Variants in SPG11 observed in about 807,000 individuals in gnomAD.
SPG11 encodes spatacsin.
A neutral mutation model predicts 274.0 loss-of-function variants in SPG11; 222 were observed. The observed-to-expected ratio is 0.81, with a 90% CI of 0.73 to 0.91. SPG11 has a LOEUF of 0.91. Among genes scored for constraint, SPG11 ranks in the 40% least tolerant of loss-of-function variants. The pLI, the probability that SPG11 is intolerant of heterozygous loss-of-function variation, is 0.00. For missense variants in SPG11, 3,114 were observed against 2,872.7 expected (o/e 1.08, Z -1.92); for synonymous variants, 1,144 against 1,039.7 (o/e 1.10, Z -1.93).
intron 37 of SPG11, 85 bp downstream of exon 37, chr15:44,566,132 C>T: frequency 6.3e-7 from 1 of 1,592,564 alleles, no homozygotes; most frequent in African/African-American, 1.3e-5. Context: ...CCCGCTTCAC[C>T]TGGAAAGAGC....
At position 44,595,340 on chromosome 15, in the gene SPG11, C is replaced by G; in HGVS notation, c.4554G>C (p.Glu1518Asp). Residue 1518 changes from glutamate (E) to aspartate (D), a missense_variant, in exon 26 of 40, where the codon GAG becomes GAC. Coordinates refer to ENST00000261866, the MANE Select transcript of SPG11 (RefSeq NM_025137.4). ...DSTEDHTWNL[E>D]DLSVIWRTLL... ...ATGTTCTCCAGATGACTGAAAGATCCTCAAGGTTCCAGGTATGGTCCTCTG... is the reference window on the plus strand; with the variant it reads ...ATGTTCTCCAGATGACTGAAAGATCGTCAAGGTTCCAGGTATGGTCCTCTG... The G allele has an allele frequency of 6.2e-7, 1 of 1,614,174 alleles. No individual in the cohort carries two copies. The highest frequency in any genetic ancestry group is 8.5e-7 in the Non-Finnish European group (1 of 1,180,038).
At chr15:44,659,887 CCT>C (rs1219117670) in intron 2 of SPG11, among the ~76,000 whole-genome samples, 1 of 152,128 alleles carries the variant, frequency 6.6e-6, no homozygotes, top group Non-Finnish European at 1.5e-5. Context: ...ATGGCGAAAC[CCT>C]GTCTCTACTA....
In SPG11 at chr15:44,657,338, T is replaced by G. The variant is rs771861301; in HGVS notation, c.668-42A>C. Reference sequence around the variant, plus strand: ...AAAGAAAATGCCAGTTTTGTAAGTATGCCTAACTATTTAAAGCACAGGTTG... The same window carrying G: ...AAAGAAAATGCCAGTTTTGTAAGTAGGCCTAACTATTTAAAGCACAGGTTG... On this transcript the variant is annotated intron_variant, in intron 3 of 39. Coordinates refer to ENST00000261866, the MANE Select transcript of SPG11 (RefSeq NM_025137.4). 5.1e-6 allele frequency: 8 copies of G among 1,573,484 alleles called. No homozygotes were observed. The Admixed American group carries it at 1.3e-4, about 26-fold the overall frequency.
chr15:44,633,359 A>AAAAAAAG (rs1567177921), intron 8 of SPG11, 146 bp downstream of exon 8: 1 of 356,520 alleles, frequency 2.8e-6, no homozygotes, highest in Non-Finnish European at 4.8e-6. Context: ...AAAAAAAAAA[A>AAAAAAAG]AAAGAAAGTT....
chr15:44,564,776 ATACTG>A, intron 38 of SPG11, 78 bp from the exon 39 acceptor site: 2 of 1,431,378 alleles, frequency 1.4e-6, no homozygotes, highest in Non-Finnish European at 2.0e-6. Context: ...GTAGAAAACA[ATACTG>A]TATACTCACT....
At position 44,575,154 on chromosome 15, in the gene SPG11, T is replaced by G. The variant is rs1045622501; in HGVS notation, c.5867-113A>C. The G allele has an allele frequency of 8.3e-6, 11 of 1,328,572 alleles. No homozygotes were observed. In the African/African-American group the frequency reaches 1.4e-4, roughly 17 times the overall value. 82.3% of individuals were successfully genotyped at this position (1,328,572 alleles called of 1,614,324 possible). A position where few individuals can be genotyped will look rare whatever the true frequency, so the allele number is the denominator to read the frequency against. ...GCTCCCTGCACTGCACTCCCATTAC[T>G]CTGACTGGGGATAGGACCACTGCTG... On this transcript the variant is annotated intron_variant, in intron 30 of 39. Transcript: ENST00000261866.
chr15:44,622,995 C>CTGGA (rs1278543303), intron 11 of SPG11, among the ~76,000 whole-genome samples, 196 bp from the exon 12 acceptor site: 8 of 152,288 alleles, frequency 5.3e-5, no homozygotes, highest in African/African-American at 1.9e-4. Flanking sequence ...GCTGCCTAGG[C>CTGGA]TGGAGTACAG....
In SPG11 at chr15:44,620,404, C is replaced by T; in HGVS notation, c.2621-1G>A. On this transcript the variant is annotated splice_acceptor_variant, in intron 14 of 39. Coordinates refer to ENST00000261866, the MANE Select transcript of SPG11 (RefSeq NM_025137.4). LOFTEE classifies it high-confidence loss of function. ...GCTTCAGGGGAATATGATTTGTATT[C>T]TACATGAAAAAAAACACATTTTAAA... 1 of 1,603,590 alleles carries T rather than the reference C, an allele frequency of 6.2e-7. No individual in the cohort carries two copies. The highest frequency in any genetic ancestry group is 1.1e-5 in the South Asian group (1 of 89,844).
rs149052561 is a variant in SPG11 at position 44,578,953 on chromosome 15, C to T, written c.5867-3912G>A. On this transcript the variant is annotated intron_variant, in intron 30 of 39. Transcript: ENST00000261866. Reference sequence around the variant, plus strand: ...GGTGGATCACCTGAGGTCAGGAGTTCGAGACCAGCCTGGCCAACATGGCGA... The same window carrying T: ...GGTGGATCACCTGAGGTCAGGAGTTTGAGACCAGCCTGGCCAACATGGCGA... 2.3e-3 allele frequency among the ~76,000 whole-genome samples: 339 copies of T among 150,234 alleles called. 2 individuals are homozygous for T. Among genetic ancestry groups the T allele is most frequent in the African/African-American group, 7.8e-3 (318 of 40,862 alleles).
intron 7 of SPG11, among the ~76,000 whole-genome samples, chr15:44,640,773 C>G (rs1372499048): frequency 6.6e-6 from 1 of 152,198 alleles, no homozygotes; most frequent in Non-Finnish European, 1.5e-5. Context: ...ATTCTGTCGT[C>G]AGGCTGAAGT....
At chr15:44,637,140 T>A (rs2084301823) in intron 7 of SPG11, among the ~76,000 whole-genome samples, 1 of 151,950 alleles carries the variant, frequency 6.6e-6, no homozygotes, top group Non-Finnish European at 1.5e-5. Flanking sequence ...GAAACAGATG[T>A]GTTTAATAGC....
chr15:44,579,526 CAAAAAAAAAAAAAAAAAA>C lies in SPG11; in HGVS notation c.5866+4270_5866+4287del, dbSNP rs954664107. On this transcript the variant is annotated intron_variant, in intron 30 of 39. Transcript: ENST00000261866. ...TGGGCGATAGAGTGAGACTCCGTCT[CAAAAAAAAAAAAAAAAAA>C]AAAAAGAAAAAGCAGGAAGATTTCA... Among the ~76,000 whole-genome samples, 3 of 51,844 alleles carry C rather than the reference CAAAAAAAAAAAAAAAAAA, an allele frequency of 5.8e-5. No individual in the cohort carries two copies. The East Asian group carries it at 1.7e-3, about 29-fold the overall frequency. 34.0% of individuals were successfully genotyped at this position (51,844 alleles called of 152,430 possible).
At chr15:44,589,767 C>T (rs899472129) in intron 27 of SPG11, among the ~76,000 whole-genome samples, 4 of 152,178 alleles carry the variant, frequency 2.6e-5, no homozygotes, top group Non-Finnish European at 5.9e-5. Context: ...CTTTGAGTCA[C>T]TGTAAAATTA....
rs139200084 is a variant in SPG11, at chr15:44,601,794, G to C, written c.3521-1162C>G. Among the ~76,000 whole-genome samples the C allele has an allele frequency of 7.9e-3, 1,207 of 152,080 alleles. 20 individuals are homozygous for C. The highest frequency in any genetic ancestry group is 0.027 in the African/African-American group (1,119 of 41,476). ...GGCTGGTCTCGAACTCCTGGCCTCG[G>C]GTGATCTGCCCACCTTGACCTCCCA... On this transcript the variant is annotated intron_variant, in intron 20 of 39. Transcript: ENST00000261866.
chr15:44,578,461 T>TG (rs900508488), intron 30 of SPG11, among the ~76,000 whole-genome samples: 7 of 151,738 alleles, frequency 4.6e-5, no homozygotes, highest in African/African-American at 1.7e-4. Flanking sequence ...CAAGACAGAG[T>TG]GGGGGTAACT....
intron 27 of SPG11, among the ~76,000 whole-genome samples, 157 bp from the exon 28 acceptor site, chr15:44,589,571 G>A (rs1358448759): frequency 6.6e-6 from 1 of 152,238 alleles, no homozygotes; most frequent in Non-Finnish European, 1.5e-5. Flanking sequence ...GGCAGGAACT[G>A]GTAATGGGGC....
chr15:44,611,977 T>G (rs1344591887), intron 17 of SPG11, among the ~76,000 whole-genome samples: 1 of 151,986 alleles, frequency 6.6e-6, no homozygotes, highest in Non-Finnish European at 1.5e-5. Flanking sequence ...GGCTAATTTT[T>G]TTTTTGTATT....
chr15:44,605,547 A>G (rs9806511), intron 20 of SPG11, among the ~76,000 whole-genome samples: 15,438 of 152,196 alleles, frequency 0.1, 2,025 homozygotes, highest in African/African-American at 0.29. Flanking sequence ...ATAGGACATC[A>G]CGATGTGTGT....
At position 44,615,635 on chromosome 15, in the gene SPG11, C is replaced by T. The variant is rs1349613088; in HGVS notation, c.2835-69G>A. 3.0e-6 allele frequency: 4 copies of T among 1,325,310 alleles called. No homozygotes were observed. The African/African-American group carries it at 5.8e-5, about 19-fold the overall frequency. The allele number at this position is 1,325,310 out of a possible 1,614,324, so 82.1% of individuals were successfully genotyped here. ...TTCAGAGTAGACCAAATCATGCCCA[C>T]AGTTTAGGTCTCAATTACTTAAAAA... is the stretch of plus-strand genomic sequence containing the variant. On this transcript the variant is annotated intron_variant, in intron 15 of 39. Coordinates refer to ENST00000261866, the MANE Select transcript of SPG11 (RefSeq NM_025137.4).
Sources: gnomAD v4.1 joint callset for allele counts (sites outside exome capture counted in the v4.1 genomes callset) on GRCh38, gnomAD v4.1.1 for gene constraint, MANE v1.5 for transcripts, NCBI Gene and HGNC (gene_info 2026-07-23, HGNC 2026-07-21) for gene names.